The following SCAF11 variants were observed in gnomAD, a reference collection of about 807,000 sequenced individuals.
SCAF11 encodes SR-related CTD associated factor 11.
Under a neutral mutation model 140.5 loss-of-function variants are expected in SCAF11, and 47 were observed. The observed-to-expected ratio is 0.33, with a 90% CI of 0.26 to 0.43. The LOEUF (loss-of-function observed/expected upper bound fraction) is 0.43, where lower values mean the gene tolerates loss of function less well. Among genes scored for constraint, SCAF11 ranks in the 20% least tolerant of loss-of-function variants. SCAF11 has a pLI of 1.00. For missense variants in SCAF11, 1,645 were observed against 1,705.1 expected (o/e 0.96, Z 0.62); for synonymous variants, 557 against 579.4 (o/e 0.96, Z 0.55).
At chr12:45,963,793 G>A (rs1945877461) in intron 2 of SCAF11, among the ~76,000 whole-genome samples, 1 of 152,078 alleles carries the variant, frequency 6.6e-6, no homozygotes, top group African/African-American at 2.4e-5. Flanking sequence ...TAGAAGCAGA[G>A]GACAGTACCA....
intron 1 of SCAF11, chr12:45,975,283 C>G (rs1687069002): frequency 6.6e-6 from 1 of 152,252 alleles, no homozygotes; most frequent in South Asian, 2.1e-4. Flanking sequence ...CCTAACAAGA[C>G]AGTCAGCCTG....
chr12:45,980,091 C>G lies in SCAF11; in HGVS notation c.-22+10262G>C, dbSNP rs1037158816. Among the ~76,000 whole-genome samples the G allele has an allele frequency of 2.0e-5, 3 of 152,246 alleles. No individual in the cohort carries two copies. The South Asian group carries it at 6.2e-4, about 32-fold the overall frequency. On this transcript the variant is annotated intron_variant, in intron 1 of 14. Transcript: ENST00000369367. ...TTATAGAACCTGGTGAAAGAGGCAT[C>G]TCAATTTTACATACAATGAAAATAA...
upstream of SCAF11, chr12:45,991,993 G>A (rs781017518): frequency 7.0e-6 from 9 of 1,289,076 alleles, 1 homozygote; most frequent in Middle Eastern, 1.3e-3. Context: ...TGCCCGGGAT[G>A]AGTTTCCTCC....
At chr12:45,951,881 T>G (rs1330509566) in intron 3 of SCAF11, 154 bp from the exon 4 acceptor site, 3 of 522,838 alleles carry the variant, frequency 5.7e-6, no homozygotes, top group Non-Finnish European at 1.0e-5. Context: ...CATTCAAACA[T>G]TTACTGAATA....
At chr12:45,933,433 AGTT>A (rs1477145801) in intron 8 of SCAF11, among the ~76,000 whole-genome samples, 1 of 152,156 alleles carries the variant, frequency 6.6e-6, no homozygotes, top group Non-Finnish European at 1.5e-5. Flanking sequence ...TGCAAATCAG[AGTT>A]GTATTTATAT....
At chr12:45,977,514 A>G (rs1946262064) in intron 1 of SCAF11, among the ~76,000 whole-genome samples, 1 of 152,154 alleles carries the variant, frequency 6.6e-6, no homozygotes, top group Admixed American at 6.5e-5. Flanking sequence ...AGATCTATAC[A>G]TGTATTAAAA....
chr12:45,991,528 C>T (rs953460211), upstream of SCAF11, among the ~76,000 whole-genome samples: 1 of 152,176 alleles, frequency 6.6e-6, no homozygotes, highest in African/African-American at 2.4e-5. Context: ...TTCCACTGCA[C>T]TCCAGCCTGG....
intron 5 of SCAF11, 38 bp downstream of exon 5, chr12:45,948,399 C>T (rs765726805): frequency 7.5e-7 from 1 of 1,330,374 alleles, no homozygotes; most frequent in East Asian, 2.3e-5. Flanking sequence ...ACTTCTGTTC[C>T]ACTCATTTGC....
chr12:45,942,030 T>G (rs1166848792), intron 6 of SCAF11, among the ~76,000 whole-genome samples: 2 of 152,254 alleles, frequency 1.3e-5, no homozygotes, highest in Non-Finnish European at 2.9e-5. Flanking sequence ...ATGTATTTTC[T>G]CATCCTTATG....
At chr12:45,984,373 T>C (rs1946415803) in intron 1 of SCAF11, among the ~76,000 whole-genome samples, 1 of 152,234 alleles carries the variant, frequency 6.6e-6, no homozygotes, top group Non-Finnish European at 1.5e-5. Flanking sequence ...AGATTCAGGT[T>C]GTACACTATT....
Position 45,921,967 on chromosome 12 carries a change from T to C in SCAF11, c.*81A>G. The stretch of plus-strand genomic sequence containing the variant: ...CAAAACCAAATTTCAATCACAGTTA[T>C]GTATGATTTTCAGTTAATGGTACAT... On this transcript the variant is annotated 3_prime_UTR_variant, in exon 15 of 15. Coordinates refer to ENST00000369367, the MANE Select transcript of SCAF11 (RefSeq NM_004719.3). 1.4e-6 allele frequency: 2 copies of C among 1,442,756 alleles called. No homozygotes were observed. The highest frequency in any genetic ancestry group is 1.4e-5 in the South Asian group (1 of 72,958). The allele number at this position is 1,442,756 out of a possible 1,614,324, so 89.4% of individuals were successfully genotyped here.
At chr12:45,957,707 A>G (rs1162026422) in intron 3 of SCAF11, among the ~76,000 whole-genome samples, 1 of 152,204 alleles carries the variant, frequency 6.6e-6, no homozygotes, top group Non-Finnish European at 1.5e-5. Flanking sequence ...GAAATATTTT[A>G]TATTATGTAA....
At chr12:45,950,199 T>C (rs77854435) in intron 4 of SCAF11, among the ~76,000 whole-genome samples, 237 of 152,086 alleles carry the variant, frequency 1.6e-3, no homozygotes, top group African/African-American at 5.5e-3. Context: ...AATAAGATAA[T>C]AGAGGTAAAT....
intron 6 of SCAF11, 71 bp from the exon 7 acceptor site, chr12:45,934,576 G>T: frequency 1.0e-6 from 1 of 976,088 alleles, no homozygotes; most frequent in Non-Finnish European, 1.5e-6. Flanking sequence ...AACCAGCATC[G>T]ATACCAGCAC....
chr12:45,979,126 G>A (rs1258171024), intron 1 of SCAF11, among the ~76,000 whole-genome samples: 1 of 142,210 alleles, frequency 7.0e-6, no homozygotes, highest in Non-Finnish European at 1.5e-5. Flanking sequence ...CCTCATGGAT[G>A]GAATTAGTGC....
rs1592168022 is a variant in SCAF11 at position 45,928,211 on chromosome 12, T to C, written c.1490A>G (p.Asn497Ser). The stretch of plus-strand genomic sequence containing the variant: ...CAAAACATTAGCCTCTATACCTGTA[T>C]TCTCGAGTTTTTTAACTTCCCCTTC... ...GEEGEVKKLE[N>S]TGIEANVLCL... Residue 497 changes from asparagine to serine, a missense_variant, in exon 11 of 15, where the codon AAT (asparagine) becomes AGT (serine). By Grantham distance (46) the Asn-to-Ser change is conservative. This residue lies in a region of SCAF11 where 1,582 missense variants were observed against 1,609.2 expected (regional missense o/e 0.98). Coordinates refer to ENST00000369367, the MANE Select transcript of SCAF11 (RefSeq NM_004719.3). 1 of 1,613,980 alleles carries C rather than the reference T, an allele frequency of 6.2e-7. No homozygotes were observed. The highest frequency in any genetic ancestry group is 8.5e-7 in the Non-Finnish European group (1 of 1,180,010).
intron 3 of SCAF11, among the ~76,000 whole-genome samples, chr12:45,952,636 A>T (rs1379518082): frequency 6.6e-6 from 1 of 152,068 alleles, no homozygotes; most frequent in African/African-American, 2.4e-5. Context: ...CTGTGCATCA[A>T]CTCTAAGAGT....
At chr12:45,984,517 G>C (rs886384316) in intron 1 of SCAF11, among the ~76,000 whole-genome samples, 5 of 152,124 alleles carry the variant, frequency 3.3e-5, no homozygotes, top group Non-Finnish European at 7.3e-5. Context: ...TCACTGTAAA[G>C]TTACTTTTGT....
chr12:45,973,003 T>TATATATATAGATATATAGATATATATAG (rs1565689426), intron 1 of SCAF11, among the ~76,000 whole-genome samples: 1 of 88,258 alleles, frequency 1.1e-5, no homozygotes, highest in African/African-American at 3.1e-5. Context: ...GATATATAGA[T>TATATATATAGATATATAGATATATATAG]ATATATATAG....
Sources: allele counts gnomAD v4.1 joint callset (sites outside exome capture counted in the v4.1 genomes callset), GRCh38; gene constraint gnomAD v4.1.1; regional missense constraint gnomAD v4.1.1; transcripts MANE v1.5; gene names NCBI Gene and HGNC (gene_info 2026-07-23, HGNC 2026-07-21).